CAMTA1: variants seen among roughly 807,000 people sequenced by gnomAD.
The protein encoded by CAMTA1 is calmodulin-binding transcription activator 1.
CAMTA1 carries 27 observed loss-of-function variants against 170.9 expected under a neutral mutation model. That is an observed-to-expected ratio of 0.16 (90% CI 0.12 to 0.22). The LOEUF (loss-of-function observed/expected upper bound fraction) is 0.22, where lower values mean the gene tolerates loss of function less well. Ranked by LOEUF, CAMTA1 falls within the 10% of genes least tolerant of loss-of-function variation. CAMTA1 has a pLI of 1.00. For synonymous variants in CAMTA1, 833 were observed against 891.5 expected (o/e 0.93, Z 1.17); for missense variants, 1,619 against 2,217.2 (o/e 0.73, Z 5.42).
chr1:7,376,615 A>G (rs148926226), intron 5 of CAMTA1, among the ~76,000 whole-genome samples: 2 of 152,280 alleles, frequency 1.3e-5, no homozygotes, highest in East Asian at 3.9e-4. Context: ...CCTGGATGAT[A>G]CCGCCCTCCT....
chr1:7,350,721 T>A (rs537619232), intron 5 of CAMTA1, among the ~76,000 whole-genome samples: 1 of 151,872 alleles, frequency 6.6e-6, no homozygotes, highest in Admixed American at 6.6e-5. Flanking sequence ...GGAAGTCATA[T>A]GGTGTGTGTG....
intron 3 of CAMTA1, among the ~76,000 whole-genome samples, chr1:7,089,309 G>A (rs943741541): frequency 1.3e-5 from 2 of 152,160 alleles, no homozygotes; most frequent in Admixed American, 1.3e-4. Flanking sequence ...GGTACCCAAA[G>A]CCAGGGCATT....
intron 5 of CAMTA1, among the ~76,000 whole-genome samples, chr1:7,281,260 G>T (rs1671465053): frequency 6.6e-6 from 1 of 152,092 alleles, no homozygotes; most frequent in Admixed American, 6.6e-5. Context: ...ACCAATTCAA[G>T]AATCTCTTTG....
At chr1:7,683,089 G>A (rs2096225821) in intron 11 of CAMTA1, among the ~76,000 whole-genome samples, 1 of 151,658 alleles carries the variant, frequency 6.6e-6, no homozygotes, top group East Asian at 1.9e-4. Context: ...GCAGGAGAAT[G>A]GCTTGAACCC....
At chr1:7,729,114 C>CTTTTTTTT (rs146252158) in intron 11 of CAMTA1, among the ~76,000 whole-genome samples, 4 of 142,280 alleles carry the variant, frequency 2.8e-5, no homozygotes, top group African/African-American at 5.1e-5. Flanking sequence ...TATGAGGAAT[C>CTTTTTTTT]TTTTTTTTTC....
At chr1:6,863,276 T>C (rs1056501631) in intron 3 of CAMTA1, among the ~76,000 whole-genome samples, 7 of 152,152 alleles carry the variant, frequency 4.6e-5, no homozygotes, top group Non-Finnish European at 8.8e-5. Context: ...CCAGAAAATA[T>C]TCATCTTATA....
At chr1:7,617,084 G>A (rs1251271084) in intron 6 of CAMTA1, among the ~76,000 whole-genome samples, 1 of 152,182 alleles carries the variant, frequency 6.6e-6, no homozygotes, top group Admixed American at 6.5e-5. Flanking sequence ...TCCCGCGGGG[G>A]AAATGAGACT....
intron 6 of CAMTA1, among the ~76,000 whole-genome samples, chr1:7,621,880 C>T (rs1210961348): frequency 6.6e-6 from 1 of 152,152 alleles, no homozygotes; most frequent in Non-Finnish European, 1.5e-5. Context: ...CAGCTCAGCT[C>T]GGCCACGTCT....
At chr1:7,723,285 G>C (rs548372789) in intron 11 of CAMTA1, among the ~76,000 whole-genome samples, 1 of 152,146 alleles carries the variant, frequency 6.6e-6, no homozygotes, top group Non-Finnish European at 1.5e-5. Flanking sequence ...ATGAGGGCAC[G>C]TCAGAGGGGC....
At chr1:7,264,919 A>T (rs1001530662) in intron 5 of CAMTA1, among the ~76,000 whole-genome samples, 1 of 152,174 alleles carries the variant, frequency 6.6e-6, no homozygotes, top group African/African-American at 2.4e-5. Context: ...ACTTTTGTTT[A>T]TAAAAAGCCA....
At chr1:7,476,899 A>G (rs1424357031) in intron 6 of CAMTA1, among the ~76,000 whole-genome samples, 3 of 152,116 alleles carry the variant, frequency 2.0e-5, no homozygotes, top group African/African-American at 7.2e-5. Flanking sequence ...CACTGTCACC[A>G]TGTGGAAAGG....
At chr1:6,807,719 C>CAAAAAAAAAATAAAAAAA (rs1644687281) in intron 1 of CAMTA1, among the ~76,000 whole-genome samples, 1 of 104,784 alleles carries the variant, frequency 9.5e-6, no homozygotes. Context: ...GACTTCATCT[C>CAAAAAAAAAATAAAAAAA]AAAAAAAAAA....
chr1:7,524,741 C>T (rs1003672859), intron 6 of CAMTA1, among the ~76,000 whole-genome samples: 1 of 152,118 alleles, frequency 6.6e-6, no homozygotes, highest in South Asian at 2.1e-4. Context: ...TGTACCATAC[C>T]CAGGACTGCT....
rs1251107454 is a variant in CAMTA1, at chr1:7,585,374, G to A, written c.511-55026G>A. Among the ~76,000 whole-genome samples, 2 of 152,156 alleles carry A rather than the reference G, an allele frequency of 1.3e-5. No individual in the cohort carries two copies. Among genetic ancestry groups the A allele is most frequent in the Non-Finnish European group, 2.9e-5 (2 of 68,032 alleles). On this transcript the variant is annotated intron_variant, in intron 6 of 22. Coordinates refer to ENST00000303635, the MANE Select transcript of CAMTA1 (RefSeq NM_015215.4). This position sits in a 1 kb window ranked among gnomAD's most constrained non-coding sequence, Gnocchi z 4.8. ...GTGGGATGGGCTGGGAGCAGATCTA[G>A]GGAATGGCAGTCCTAACAGAGGGAA...
chr1:7,316,490 C>T (rs965313896), intron 5 of CAMTA1, among the ~76,000 whole-genome samples: 6 of 152,172 alleles, frequency 3.9e-5, no homozygotes, highest in Non-Finnish European at 7.3e-5. Flanking sequence ...GCTTGACGCA[C>T]GGTAAGTACT....
chr1:7,637,434 GA>G (rs1384960983), intron 6 of CAMTA1, among the ~76,000 whole-genome samples: 2 of 152,226 alleles, frequency 1.3e-5, no homozygotes, highest in African/African-American at 4.8e-5. Flanking sequence ...GCACAGGCAG[GA>G]GCCCTCAGCC....
chr1:7,371,609 G>A (rs114483433), intron 5 of CAMTA1, among the ~76,000 whole-genome samples: 91 of 152,256 alleles, frequency 6.0e-4, no homozygotes, highest in African/African-American at 2.0e-3. Flanking sequence ...TTTCCTGGCC[G>A]TCCTCATCAA....
intron 5 of CAMTA1, among the ~76,000 whole-genome samples, chr1:7,452,883 G>A (rs2092860970): frequency 6.6e-6 from 1 of 152,226 alleles, no homozygotes; most frequent in Non-Finnish European, 1.5e-5. Flanking sequence ...CCTAGGAGTG[G>A]AATGGCTGGG....
intron 6 of CAMTA1, among the ~76,000 whole-genome samples, chr1:7,576,633 T>A (rs1042577826): frequency 5.5e-4 from 84 of 152,150 alleles, no homozygotes; most frequent in African/African-American, 1.6e-3. Flanking sequence ...CTGTTCTTTA[T>A]AAACCACCCA....
Sources: gnomAD v4.1 joint callset for allele counts (sites outside exome capture counted in the v4.1 genomes callset) on GRCh38, gnomAD v4.1.1 for gene constraint, Gnocchi (gnomAD v3.1) non-coding constraint, MANE v1.5 for transcripts, NCBI Gene and HGNC (gene_info 2026-07-23, HGNC 2026-07-21) for gene names.